GNAL: variants seen among roughly 807,000 people sequenced by gnomAD.
GNAL encodes G protein subunit alpha L.
A neutral mutation model predicts 55.1 loss-of-function variants in GNAL; 18 were observed. The ratio of observed to expected loss-of-function variants is 0.33; its 90% CI spans 0.23 to 0.48. GNAL has a LOEUF of 0.48. GNAL is among the 20% of genes least tolerant of loss of function. GNAL has a pLI of 0.99. For synonymous variants in GNAL, 253 were observed against 237.0 expected (o/e 1.07, Z -0.62); for missense variants, 412 against 614.1 (o/e 0.67, Z 3.48).
Position 11,751,258 on chromosome 18 carries a change from A to G in GNAL, c.377-1595A>G, listed in dbSNP as rs1021671048. On this transcript the variant is annotated intron_variant, in intron 1 of 11. Coordinates refer to ENST00000334049, the MANE Select transcript of GNAL (RefSeq NM_182978.4). This position sits in a 1 kb window ranked among gnomAD's most constrained non-coding sequence, Gnocchi z 4.5. ...CCCAAGTACAACACTGCAAACGCCAAGCTGCCGGCTCTGGCCCTATTGGAG... is the reference window on the plus strand; with the variant it reads ...CCCAAGTACAACACTGCAAACGCCAGGCTGCCGGCTCTGGCCCTATTGGAG... Among the ~76,000 whole-genome samples, 1 of 152,130 alleles carries G rather than the reference A, an allele frequency of 6.6e-6. No homozygotes were observed. The highest frequency in any genetic ancestry group is 1.5e-5 in the Non-Finnish European group (1 of 68,020).
Position 11,879,119 on chromosome 18 carries a change from ATT to A in GNAL, c.1231-1869_1231-1868del, listed in dbSNP as rs2036600923. Among the ~76,000 whole-genome samples the A allele has an allele frequency of 9.3e-5, 14 of 150,186 alleles. No homozygotes were observed. In the South Asian group the frequency reaches 2.3e-3, roughly 25 times the overall value. Reference sequence around the variant, plus strand: ...TTACAGTATAATAAAATATATATATATTAAAAATATATATATATAACCTACTC... The same window carrying A: ...TTACAGTATAATAAAATATATATATAAAAAATATATATATATAACCTACTC... On this transcript the variant is annotated intron_variant, in intron 11 of 11. Transcript: ENST00000334049.
chr18:11,765,586 T>C (rs553672151), intron 4 of GNAL, among the ~76,000 whole-genome samples: 1 of 152,316 alleles, frequency 6.6e-6, no homozygotes, highest in South Asian at 2.1e-4. Flanking sequence ...CTTCCCAGCC[T>C]CTAGTAAGCA....
At chr18:11,781,708 A>G (rs1220511441) in intron 4 of GNAL, among the ~76,000 whole-genome samples, 11 of 152,324 alleles carry the variant, frequency 7.2e-5, no homozygotes, top group Admixed American at 5.2e-4. Flanking sequence ...GCTGTATTTG[A>G]TAAGTAATAT....
At chr18:11,707,024 T>C (rs531381698) in intron 1 of GNAL, among the ~76,000 whole-genome samples, 2 of 152,298 alleles carry the variant, frequency 1.3e-5, no homozygotes, top group Admixed American at 6.5e-5. Flanking sequence ...CATTGTTGTT[T>C]TGAGACAGGG....
intron 4 of GNAL, among the ~76,000 whole-genome samples, chr18:11,788,897 G>GAAAAAAAAAAAAAAAAAA (rs1162398867): frequency 4.8e-5 from 4 of 82,516 alleles, no homozygotes; most frequent in African/African-American, 7.5e-5. Flanking sequence ...ACTCCGTCTC[G>GAAAAAAAAAAAAAAAAAA]AAAAAAAAAA....
At chr18:11,798,260 TA>T (rs2034440303) in intron 4 of GNAL, among the ~76,000 whole-genome samples, 1 of 152,238 alleles carries the variant, frequency 6.6e-6, no homozygotes, top group Non-Finnish European at 1.5e-5. Flanking sequence ...TATGCGCTAT[TA>T]AATTCTTTTT....
In GNAL at chr18:11,751,326, T is replaced by C. The variant is rs73397881; in HGVS notation, c.377-1527T>C. ...GGCAGGTGCCAGTCTCGCGCCCTAG[T>C]TCGTTCCTCTGCTACAACGCCAAGT... is the stretch of plus-strand genomic sequence containing the variant. On this transcript the variant is annotated intron_variant, in intron 1 of 11. Transcript: ENST00000334049. This position sits in a 1 kb window ranked among gnomAD's most constrained non-coding sequence, Gnocchi z 4.5. The C allele has an allele frequency of 0.01, 1,743 of 174,290 alleles. 14 individuals are homozygous for C. Among genetic ancestry groups the C allele is most frequent in the African/African-American group, 0.022 (912 of 41,914 alleles). The allele number at this position is 174,290 out of a possible 1,614,324, so 10.8% of individuals were successfully genotyped here.
chr18:11,779,085 G>A (rs1380877453), intron 4 of GNAL, among the ~76,000 whole-genome samples: 6 of 152,154 alleles, frequency 3.9e-5, no homozygotes, highest in South Asian at 2.1e-4. Flanking sequence ...GAGACAGCAC[G>A]TAGAGGTGAG....
At chr18:11,744,035 A>G (rs2032636278) in intron 1 of GNAL, among the ~76,000 whole-genome samples, 1 of 152,168 alleles carries the variant, frequency 6.6e-6, no homozygotes, top group Admixed American at 6.5e-5. Flanking sequence ...GTTTTGACAT[A>G]TTCAATGGCC....
intron 1 of GNAL, among the ~76,000 whole-genome samples, chr18:11,704,569 G>A (rs1479059093): frequency 6.6e-6 from 1 of 152,144 alleles, no homozygotes; most frequent in Non-Finnish European, 1.5e-5. Context: ...TCAGCTATCT[G>A]GCCCACTTCT....
chr18:11,839,738 T>A (rs2035573620), intron 5 of GNAL, among the ~76,000 whole-genome samples: 1 of 152,040 alleles, frequency 6.6e-6, no homozygotes, highest in Non-Finnish European at 1.5e-5. Flanking sequence ...CAAAAAGGAA[T>A]GAGGAGCTGA....
chr18:11,815,815 C>T (rs1202313489), intron 4 of GNAL, among the ~76,000 whole-genome samples: 1 of 152,074 alleles, frequency 6.6e-6, no homozygotes, highest in Non-Finnish European at 1.5e-5. Flanking sequence ...TAATCTCTTA[C>T]TTTTATTTTT....
intron 4 of GNAL, among the ~76,000 whole-genome samples, chr18:11,809,257 C>CA (rs112266970): frequency 0.12 from 17,358 of 143,030 alleles, 1,252 homozygotes; most frequent in East Asian, 0.32. Context: ...GACTCTATCT[C>CA]AAAAAAAAAA....
chr18:11,703,211 C>T (rs576766616), intron 1 of GNAL, among the ~76,000 whole-genome samples: 1 of 152,336 alleles, frequency 6.6e-6, no homozygotes, highest in East Asian at 1.9e-4. Flanking sequence ...TTTTGAGAGG[C>T]TCATTGGAAA....
At chr18:11,784,976 A>C (rs538471230) in intron 4 of GNAL, among the ~76,000 whole-genome samples, 29 of 152,258 alleles carry the variant, frequency 1.9e-4, no homozygotes, top group Non-Finnish European at 3.5e-4. Flanking sequence ...AAAACTGAGA[A>C]TCAGAAGACA....
intron 4 of GNAL, among the ~76,000 whole-genome samples, chr18:11,816,033 A>T (rs1314562435): frequency 6.6e-6 from 1 of 152,240 alleles, no homozygotes; most frequent in Non-Finnish European, 1.5e-5. Context: ...TGACAATGCA[A>T]AATGGTGCAA....
At position 11,718,011 on chromosome 18, in the gene GNAL, G is replaced by T. The variant is rs929436852; in HGVS notation, c.376+28072G>T. Among the ~76,000 whole-genome samples, 6 of 152,130 alleles carry T rather than the reference G, an allele frequency of 3.9e-5. No individual in the cohort carries two copies. In the East Asian group the frequency reaches 1.2e-3, roughly 29 times the overall value. On this transcript the variant is annotated intron_variant, in intron 1 of 11. Coordinates refer to ENST00000334049, the MANE Select transcript of GNAL (RefSeq NM_182978.4). ...TCTACTAGAAATAGGCATATGGATT[G>T]CTTGTATCTTCATATTACATGACAG...
intron 5 of GNAL, among the ~76,000 whole-genome samples, chr18:11,834,024 A>C (rs1315161581): frequency 6.6e-6 from 1 of 152,230 alleles, no homozygotes; most frequent in African/African-American, 2.4e-5. Flanking sequence ...TTCAAAATTC[A>C]TACCAGCAGA....
chr18:11,694,333 G>T (rs1189016366), intron 1 of GNAL, among the ~76,000 whole-genome samples: 1 of 152,126 alleles, frequency 6.6e-6, no homozygotes, highest in East Asian at 1.9e-4. Context: ...AGGTGTCTTG[G>T]TGCTCTTTCT....
Sources: gnomAD v4.1 joint callset for allele counts (sites outside exome capture counted in the v4.1 genomes callset) on GRCh38, gnomAD v4.1.1 for gene constraint, Gnocchi (gnomAD v3.1) non-coding constraint, MANE v1.5 for transcripts, NCBI Gene and HGNC (gene_info 2026-07-23, HGNC 2026-07-21) for gene names.